The following DENND2C variants were observed in gnomAD, a reference collection of about 807,000 sequenced individuals.
DENND2C encodes DENN domain-containing protein 2C.
DENND2C carries 72 observed loss-of-function variants against 112.4 expected under a neutral mutation model. The ratio of observed to expected loss-of-function variants is 0.64; its 90% CI spans 0.53 to 0.78. DENND2C has a LOEUF of 0.78. Among genes scored for constraint, DENND2C ranks in the 30% least tolerant of loss-of-function variants. The probability of loss-of-function intolerance (pLI) is 0.00; values close to 1 mark genes in which losing one functional copy is unlikely to be tolerated. For missense variants in DENND2C, 992 were observed against 1,113.8 expected (o/e 0.89, Z 1.56); for synonymous variants, 329 against 381.6 (o/e 0.86, Z 1.61).
intron 8 of DENND2C, 127 bp from the exon 9 acceptor site, chr1:114,611,244 C>T (rs2101655459): frequency 9.9e-7 from 1 of 1,012,294 alleles, no homozygotes; most frequent in East Asian, 2.4e-5. Flanking sequence ...GAGCCTTTCT[C>T]CAAACCACTT....
chr1:114,623,848 T>C (rs915792466), intron 4 of DENND2C, among the ~76,000 whole-genome samples: 10 of 152,058 alleles, frequency 6.6e-5, no homozygotes, highest in Non-Finnish European at 1.3e-4. Context: ...CGATTCTACA[T>C]TGCTGTAGGG....
chr1:114,651,458 A>G (rs1223002518), intron 2 of DENND2C, among the ~76,000 whole-genome samples: 2 of 151,462 alleles, frequency 1.3e-5, no homozygotes. Flanking sequence ...CCTAAAAATA[A>G]AAAATAAAAG....
rs1257585310 is a variant in DENND2C at position 114,587,769 on chromosome 1, T to G, written c.2615A>C (p.Gln872Pro). The change falls in exon 19 of 21, where the codon CAG becomes CCG. Residue 872 changes from glutamine (Q) to proline (P), a missense_variant. Physicochemically the swap from Gln to Pro is moderately conservative, Grantham distance 76. This residue lies in a region of DENND2C where 516 missense variants were observed against 623.6 expected (regional missense o/e 0.83). Transcript: ENST00000393274. The part of the protein sequence containing the change: ...RHFLDLFMET[Q>P]MFAGFIQDRE... ...GTCCTGGATGAATCCTGCAAACATC[T>G]GAGTTTCCATGAAGAGATCCAGGAA... is the stretch of plus-strand genomic sequence containing the variant. The G allele has an allele frequency of 3.1e-6, 5 of 1,614,148 alleles. No individual in the cohort carries two copies. Among genetic ancestry groups the G allele is most frequent in the Admixed American group, 1.7e-5 (1 of 60,022 alleles).
intron 4 of DENND2C, among the ~76,000 whole-genome samples, chr1:114,623,944 C>T (rs1171226058): frequency 6.6e-6 from 1 of 152,198 alleles, no homozygotes; most frequent in African/African-American, 2.4e-5. Context: ...CCATGACCGC[C>T]AGGCTGGTCT....
In DENND2C at chr1:114,632,225, G is replaced by T. The variant is rs775060864; in HGVS notation, c.-204-6037C>A. 1.5e-4 allele frequency among the ~76,000 whole-genome samples: 23 copies of T among 152,098 alleles called. 1 individual carries two copies. Among genetic ancestry groups the T allele is most frequent in the Admixed American group, 9.2e-4 (14 of 15,252 alleles). On this transcript the variant is annotated intron_variant, in intron 3 of 20. Coordinates refer to ENST00000393274, the MANE Select transcript of DENND2C (RefSeq NM_001256404.2). ...GGAGTCGCAGAAATGAAGGGGTCGG[G>T]AGTGGGGACAAATATTTCAAGTAAT... is the stretch of plus-strand genomic sequence containing the variant.
At chr1:114,611,190 A>G (rs1655807105) in intron 8 of DENND2C, 73 bp from the exon 9 acceptor site, 19 of 1,544,554 alleles carry the variant, frequency 1.2e-5, no homozygotes, top group Non-Finnish European at 1.5e-5. Flanking sequence ...AACAATGTAA[A>G]CCCACAAACC....
intron 1 of DENND2C, among the ~76,000 whole-genome samples, chr1:114,669,568 T>G (rs918638933): frequency 6.6e-6 from 1 of 152,146 alleles, no homozygotes; most frequent in Non-Finnish European, 1.5e-5. Flanking sequence ...TGGAAGTGCA[T>G]CGTCCCAGCA....
At position 114,584,135 on chromosome 1, in the gene DENND2C, C is replaced by A. The variant is rs1044060500; in HGVS notation, c.*1465G>T. The A allele has an allele frequency of 6.6e-6, 1 of 152,156 alleles. No homozygotes were observed. Among genetic ancestry groups the A allele is most frequent in the African/African-American group, 2.4e-5 (1 of 41,438 alleles). The allele number at this position is 152,156 out of a possible 1,614,324, so 9.4% of individuals were successfully genotyped here. On this transcript the variant is annotated 3_prime_UTR_variant, in exon 21 of 21. Coordinates refer to ENST00000393274, the MANE Select transcript of DENND2C (RefSeq NM_001256404.2). The stretch of plus-strand genomic sequence containing the variant: ...TTAATAAAAGAAATAGCTATATAAT[C>A]CTACTGAGATGAAATTTCCATCTGT...
intron 18 of DENND2C, 78 bp from the exon 19 acceptor site, chr1:114,588,030 G>T: frequency 8.0e-7 from 1 of 1,245,294 alleles, no homozygotes; most frequent in Non-Finnish European, 1.1e-6. Flanking sequence ...TCTGGTTATG[G>T]AAGTCGTGCC....
chr1:114,626,005 C>A lies in DENND2C; in HGVS notation c.-21G>T. ...TCCATGTTCCCAACTGGGTGAATGACAAGTGATGAATCTTACAAAGGTTCC... is the reference window on the plus strand; with the variant it reads ...TCCATGTTCCCAACTGGGTGAATGAAAAGTGATGAATCTTACAAAGGTTCC... On this transcript the variant is annotated 5_prime_UTR_variant, in exon 4 of 21. Coordinates refer to ENST00000393274, the MANE Select transcript of DENND2C (RefSeq NM_001256404.2). 1 of 1,585,340 alleles carries A rather than the reference C, an allele frequency of 6.3e-7. No homozygotes were observed. Among genetic ancestry groups the A allele is most frequent in the Non-Finnish European group, 8.6e-7 (1 of 1,164,108 alleles).
rs1557948511 is a variant in DENND2C at position 114,622,995 on chromosome 1, C to T, written c.1048G>A (p.Ala350Thr). ...KLPPAKSAFK[A>T]PKLPPKPQFL... ...TCATTATCTGGTTATACCTTGGGTG[C>T]TTTAAAAGCACTTTTAGCGGGTGGT... The change falls in exon 6 of 21, where the codon GCA (alanine) becomes ACA (threonine). Residue 350 changes from alanine (A) to threonine (T), a missense_variant. Coordinates refer to ENST00000393274, the MANE Select transcript of DENND2C (RefSeq NM_001256404.2). The T allele has an allele frequency of 1.2e-6, 2 of 1,611,668 alleles. No individual in the cohort carries two copies. Among genetic ancestry groups the T allele is most frequent in the East Asian group, 2.2e-5 (1 of 44,810 alleles).
intron 17 of DENND2C, 177 bp downstream of exon 17, chr1:114,595,655 A>G: frequency 1.8e-6 from 1 of 559,110 alleles, no homozygotes; most frequent in Non-Finnish European, 3.2e-6. Flanking sequence ...TATAAACTGA[A>G]GCCAAATTTT....
In DENND2C at chr1:114,584,169, C is replaced by G. The variant is rs1285454717; in HGVS notation, c.*1431G>C. 1 of 152,176 alleles carries G rather than the reference C, an allele frequency of 6.6e-6. No homozygotes were observed. Among genetic ancestry groups the G allele is most frequent in the African/African-American group, 2.4e-5 (1 of 41,460 alleles). The allele number at this position is 152,176 out of a possible 1,614,324, so 9.4% of individuals were successfully genotyped here. On this transcript the variant is annotated 3_prime_UTR_variant, in exon 21 of 21. Transcript: ENST00000393274. ...ATGAAATTTCCATCTGTAGGACTAA[C>G]CAACTTTTTCTGTGTCCATAAAAGT... is the stretch of plus-strand genomic sequence containing the variant.
chr1:114,595,724 A>C (rs1655324817), intron 17 of DENND2C, 108 bp downstream of exon 17: 2 of 1,016,176 alleles, frequency 2.0e-6, no homozygotes, highest in Admixed American at 1.9e-5. Flanking sequence ...AGGAACTAAA[A>C]GTTTTGCCTG....
chr1:114,605,071 T>C (rs373853501), intron 10 of DENND2C, 40 bp from the exon 11 acceptor site: 9 of 1,432,202 alleles, frequency 6.3e-6, no homozygotes, highest in East Asian at 2.3e-5. Context: ...AATTATACTA[T>C]GTAAGTGGGG....
chr1:114,615,352 A>C (rs977889644), intron 8 of DENND2C, among the ~76,000 whole-genome samples: 9 of 152,234 alleles, frequency 5.9e-5, no homozygotes, highest in Admixed American at 2.0e-4. Flanking sequence ...ACTGCTAAAA[A>C]TCAAGATTTA....
chr1:114,628,464 T>C (rs1191549864), intron 3 of DENND2C, among the ~76,000 whole-genome samples: 2 of 152,166 alleles, frequency 1.3e-5, no homozygotes, highest in Non-Finnish European at 2.9e-5. Flanking sequence ...TCCTAAAATA[T>C]GTAGGTATTT....
intron 3 of DENND2C, among the ~76,000 whole-genome samples, chr1:114,627,662 C>A (rs1656383598): frequency 6.6e-6 from 1 of 151,676 alleles, no homozygotes; most frequent in African/African-American, 2.4e-5. Flanking sequence ...ATACCCAAAG[C>A]CCAAAGCACC....
At chr1:114,614,203 G>C (rs957734166) in intron 8 of DENND2C, among the ~76,000 whole-genome samples, 1 of 149,400 alleles carries the variant, frequency 6.7e-6, no homozygotes, top group African/African-American at 2.5e-5. Flanking sequence ...TTGCACCCCA[G>C]CCTGTGTGAC....
Sources: allele counts gnomAD v4.1 joint callset (sites outside exome capture counted in the v4.1 genomes callset), GRCh38; gene constraint gnomAD v4.1.1; regional missense constraint gnomAD v4.1.1; transcripts MANE v1.5; gene names NCBI Gene and HGNC (gene_info 2026-07-23, HGNC 2026-07-21).